ZBTB20: variants seen among roughly 807,000 people sequenced by gnomAD.
ZBTB20 encodes zinc finger and BTB domain-containing protein 20.
Under a neutral mutation model 56.9 loss-of-function variants are expected in ZBTB20, and 9 were observed. The ratio of observed to expected loss-of-function variants is 0.16; its 90% CI spans 0.10 to 0.28. The LOEUF (loss-of-function observed/expected upper bound fraction) is 0.28, where lower values mean the gene tolerates loss of function less well. Ranked by LOEUF, ZBTB20 falls within the 10% of genes least tolerant of loss-of-function variation. The pLI, the probability that ZBTB20 is intolerant of heterozygous loss-of-function variation, is 1.00. For missense variants in ZBTB20, 655 were observed against 1,003.0 expected, an observed-to-expected ratio of 0.65 and a Z score of 4.69; for synonymous variants, 417 against 420.7, an observed-to-expected ratio of 0.99 and a Z score of 0.11.
intron 5 of ZBTB20, among the ~76,000 whole-genome samples, chr3:114,717,960 T>C (rs1377567964): frequency 6.6e-6 from 1 of 152,164 alleles, no homozygotes; most frequent in Non-Finnish European, 1.5e-5. Context: ...CCTCATCAAA[T>C]TTGAAATCTG....
intron 7 of ZBTB20, among the ~76,000 whole-genome samples, chr3:114,473,656 C>T (rs904524431): frequency 5.9e-5 from 9 of 151,938 alleles, no homozygotes; most frequent in Admixed American, 2.6e-4. Flanking sequence ...CATGGTGAGA[C>T]CCCTGTCTCT....
chr3:114,655,235 T>C (rs1330673504), intron 6 of ZBTB20, among the ~76,000 whole-genome samples: 2 of 137,298 alleles, frequency 1.5e-5, no homozygotes, highest in Non-Finnish European at 3.0e-5. Context: ...TCTTCTGTTT[T>C]CCTTTCCTTT....
intron 6 of ZBTB20, among the ~76,000 whole-genome samples, chr3:114,517,426 T>C (rs996453120): frequency 6.6e-6 from 1 of 152,154 alleles, no homozygotes; most frequent in African/African-American, 2.4e-5. Flanking sequence ...ATAGCGAACA[T>C]GTTACTTCAC....
At chr3:114,419,734 C>T (rs1429794810) in intron 7 of ZBTB20, among the ~76,000 whole-genome samples, 1 of 152,124 alleles carries the variant, frequency 6.6e-6, no homozygotes, top group Non-Finnish European at 1.5e-5. Context: ...ATACAATCTA[C>T]GTTGCCAAAA....
At chr3:114,720,407 G>A (rs1051248511) in intron 5 of ZBTB20, among the ~76,000 whole-genome samples, 1 of 151,912 alleles carries the variant, frequency 6.6e-6, no homozygotes, top group East Asian at 1.9e-4. Context: ...TATAATTTCT[G>A]TTCTATAGAC....
chr3:115,092,374 TAA>T (rs963934893), intron 1 of ZBTB20, among the ~76,000 whole-genome samples: 70 of 152,276 alleles, frequency 4.6e-4, no homozygotes, highest in African/African-American at 1.6e-3. Flanking sequence ...GACAAATTTG[TAA>T]GAGACAGAAT....
At chr3:114,623,796 C>T (rs1257034943) in intron 6 of ZBTB20, among the ~76,000 whole-genome samples, 2 of 151,976 alleles carry the variant, frequency 1.3e-5, no homozygotes, top group African/African-American at 4.8e-5. Context: ...ATACTACCTC[C>T]CTGCCCCCAC....
intron 3 of ZBTB20, among the ~76,000 whole-genome samples, chr3:114,904,555 T>C (rs546417677): frequency 5.7e-4 from 86 of 152,150 alleles, no homozygotes; most frequent in African/African-American, 1.9e-3. Context: ...CATTATTATA[T>C]GGTTATTATA....
chr3:114,862,818 G>A (rs1001168942), intron 4 of ZBTB20, among the ~76,000 whole-genome samples: 1 of 152,104 alleles, frequency 6.6e-6, no homozygotes, highest in African/African-American at 2.4e-5. Flanking sequence ...TTTTCTTTTG[G>A]AAGCAGAGGA....
intron 1 of ZBTB20, among the ~76,000 whole-genome samples, chr3:115,135,070 A>T (rs185717404): frequency 1.3e-5 from 2 of 152,314 alleles, no homozygotes; most frequent in East Asian, 1.9e-4. Context: ...AAACCTCTAA[A>T]GCCCAAGCTC....
At chr3:114,958,185 A>C (rs1203648667) in intron 3 of ZBTB20, among the ~76,000 whole-genome samples, 1 of 152,244 alleles carries the variant, frequency 6.6e-6, no homozygotes. Context: ...AATTTTCACT[A>C]TCAATTTATG....
chr3:114,630,010 T>G (rs2058855515), intron 6 of ZBTB20, among the ~76,000 whole-genome samples: 1 of 152,040 alleles, frequency 6.6e-6, no homozygotes, highest in Non-Finnish European at 1.5e-5. Context: ...CATGATGGTG[T>G]GTGCCTGCAG....
At chr3:114,767,799 T>G (rs1474874849) in intron 5 of ZBTB20, among the ~76,000 whole-genome samples, 5 of 152,030 alleles carry the variant, frequency 3.3e-5, no homozygotes, top group African/African-American at 1.2e-4. Flanking sequence ...AAAAGGAAAA[T>G]TTCTTTCTCC....
chr3:114,412,392 C>A (rs902295923), intron 7 of ZBTB20, among the ~76,000 whole-genome samples: 2 of 151,992 alleles, frequency 1.3e-5, no homozygotes, highest in African/African-American at 4.8e-5. Flanking sequence ...TGCCAAATAT[C>A]CTCAGAAATA....
chr3:115,065,202 A>T (rs928219016), intron 2 of ZBTB20, among the ~76,000 whole-genome samples: 3 of 152,246 alleles, frequency 2.0e-5, no homozygotes, highest in African/African-American at 7.2e-5. Context: ...CAGTTATTAT[A>T]AAAGTGCTTA....
rs2078764326 is a variant in ZBTB20 at position 114,318,287 on chromosome 3, G to A, written c.*20718C>T. ...TGGTCTCTTGCCCCACCTTCCTGAG[G>A]GCTGGGGGGCCTTCACACCACCCAC... On this transcript the variant is annotated 3_prime_UTR_variant, in exon 12 of 12. Transcript: ENST00000675478. 6.6e-6 allele frequency: 1 copy of A among 152,248 alleles called. No individual in the cohort carries two copies. The highest frequency in any genetic ancestry group is 2.4e-5 in the African/African-American group (1 of 41,440). 9.4% of individuals were successfully genotyped at this position (152,248 alleles called of 1,614,324 possible). A position where few individuals can be genotyped will look rare whatever the true frequency, so the allele number is the denominator to read the frequency against.
At chr3:114,824,316 A>AGAGAAACTTTGAT (rs1188835395) in intron 4 of ZBTB20, among the ~76,000 whole-genome samples, 3 of 152,026 alleles carry the variant, frequency 2.0e-5, no homozygotes, top group Non-Finnish European at 2.9e-5. Context: ...TTTGATACAA[A>AGAGAAACTTTGAT]ACATATCCTG....
chr3:114,568,076 T>C (rs1401961571), intron 6 of ZBTB20, among the ~76,000 whole-genome samples: 3 of 152,198 alleles, frequency 2.0e-5, no homozygotes, highest in African/African-American at 7.2e-5. Flanking sequence ...TTCTGCCTGT[T>C]TGTCATTACA....
At chr3:114,593,614 C>G (rs1485676827) in intron 6 of ZBTB20, among the ~76,000 whole-genome samples, 4 of 152,088 alleles carry the variant, frequency 2.6e-5, no homozygotes, top group Non-Finnish European at 5.9e-5. Flanking sequence ...GATCTCTCGA[C>G]CTCTGGTGAT....
Sources: gnomAD v4.1 joint callset for allele counts (sites outside exome capture counted in the v4.1 genomes callset) on GRCh38, gnomAD v4.1.1 for gene constraint, MANE v1.5 for transcripts, NCBI Gene and HGNC (gene_info 2026-07-23, HGNC 2026-07-21) for gene names.